The following OPCML variants were observed in gnomAD, a reference collection of about 807,000 sequenced individuals.
The protein encoded by OPCML is opioid binding protein/cell adhesion molecule like, also known as opioid-binding protein/cell adhesion molecule.
OPCML carries 13 observed loss-of-function variants against 37.8 expected under a neutral mutation model. That is an observed-to-expected ratio of 0.34 (90% CI 0.22 to 0.55). The LOEUF (loss-of-function observed/expected upper bound fraction) is 0.55. Ranked by LOEUF, OPCML falls within the 20% of genes least tolerant of loss-of-function variation. The pLI is 0.91. For missense variants in OPCML, 341 were observed against 435.6 expected (o/e 0.78, Z 1.93); for synonymous variants, 176 against 168.8 (o/e 1.04, Z -0.33).
chr11:133,147,259 G>C (rs1034102581), intron 1 of OPCML, among the ~76,000 whole-genome samples: 4 of 152,168 alleles, frequency 2.6e-5, no homozygotes, highest in South Asian at 2.1e-4. Context: ...AAGAAAACCT[G>C]CTGACCACTC....
In OPCML at chr11:133,239,374, C is replaced by A. The variant is rs183991874; in HGVS notation, c.61+292890G>T. Among the ~76,000 whole-genome samples the A allele has an allele frequency of 3.2e-3, 489 of 152,276 alleles. 4 individuals carry two copies. The highest frequency in any genetic ancestry group is 0.011 in the African/African-American group (475 of 41,540). ...AATACAGACCAGACCTTGCTTGGAC[C>A]CCTACCATTTTCTGTAGTCTACAGT... On this transcript the variant is annotated intron_variant, in intron 1 of 7. Transcript: ENST00000524381.
intron 1 of OPCML, among the ~76,000 whole-genome samples, chr11:133,383,608 A>G (rs1351247052): frequency 6.6e-6 from 1 of 152,168 alleles, no homozygotes; most frequent in Non-Finnish European, 1.5e-5. Flanking sequence ...CATATCCATA[A>G]ACAACATCCT....
chr11:132,882,320 T>C (rs1943250439), intron 2 of OPCML, among the ~76,000 whole-genome samples: 1 of 152,196 alleles, frequency 6.6e-6, no homozygotes. Flanking sequence ...TCAAATCCAG[T>C]ACATCATCTT....
At chr11:133,006,395 A>AC (rs1194973759) in intron 1 of OPCML, 3 of 966,474 alleles carry the variant, frequency 3.1e-6, no homozygotes, top group Non-Finnish European at 3.7e-6. Flanking sequence ...GGGACAAAGA[A>AC]CCCCATCTTT....
At chr11:132,822,496 A>C (rs955237701) in intron 2 of OPCML, among the ~76,000 whole-genome samples, 1 of 152,058 alleles carries the variant, frequency 6.6e-6, no homozygotes, top group African/African-American at 2.4e-5. Context: ...AGCTGACAGG[A>C]GAGTGAAGTG....
chr11:133,473,985 G>A (rs1947177744), intron 1 of OPCML, among the ~76,000 whole-genome samples: 1 of 152,158 alleles, frequency 6.6e-6, no homozygotes, highest in African/African-American at 2.4e-5. Flanking sequence ...GAGCTAAAAA[G>A]GGTTAAAGCA....
chr11:133,035,237 G>C (rs1174208295), intron 1 of OPCML, among the ~76,000 whole-genome samples: 1 of 152,196 alleles, frequency 6.6e-6, no homozygotes, highest in Non-Finnish European at 1.5e-5. Flanking sequence ...TGTCGCCGAG[G>C]GCAGCAGCAA....
chr11:133,140,934 A>G lies in OPCML; in HGVS notation c.62-197924T>C, dbSNP rs370923857. Among the ~76,000 whole-genome samples, 2 of 17,710 alleles carry G rather than the reference A, an allele frequency of 1.1e-4. 1 individual carries two copies. The highest frequency in any genetic ancestry group is 2.3e-4 in the African/African-American group (2 of 8,726). 11.6% of individuals were successfully genotyped at this position (17,710 alleles called of 152,430 possible). A position where few individuals can be genotyped will look rare whatever the true frequency, so the allele number is the denominator to read the frequency against. ...AAGAAGAAGAAGACGACGACGACGA[A>G]GAAGAAGAAGACGACGAAGAAGAAG... On this transcript the variant is annotated intron_variant, in intron 1 of 7. Coordinates refer to ENST00000524381, the MANE Select transcript of OPCML (RefSeq NM_001012393.5).
Position 133,086,777 on chromosome 11 carries a change from C to T in OPCML, c.62-143767G>A, listed in dbSNP as rs144702951. ...GCAGCCACTGGTAACCACTGTTCTA[C>T]TCTGCTTTTATGAATTTGACTTTTT... On this transcript the variant is annotated intron_variant, in intron 1 of 7. Coordinates refer to ENST00000524381, the MANE Select transcript of OPCML (RefSeq NM_001012393.5). Among the ~76,000 whole-genome samples the T allele has an allele frequency of 3.3e-3, 509 of 152,314 alleles. 2 individuals are homozygous for T. Among genetic ancestry groups the T allele is most frequent in the African/African-American group, 0.011 (445 of 41,560 alleles).
In OPCML at chr11:132,591,726, C is replaced by T. The variant is rs118157697; in HGVS notation, c.380-62540G>A. On this transcript the variant is annotated intron_variant, in intron 3 of 7. Coordinates refer to ENST00000524381, the MANE Select transcript of OPCML (RefSeq NM_001012393.5). ...ATTAGTTAAAATAAATGAGACGTTACGTAGATGCTGAGTACAGTATTATTT... is the reference window on the plus strand; with the variant it reads ...ATTAGTTAAAATAAATGAGACGTTATGTAGATGCTGAGTACAGTATTATTT... Among the ~76,000 whole-genome samples, 83 of 152,236 alleles carry T rather than the reference C, an allele frequency of 5.5e-4. 2 individuals carry two copies. The East Asian group carries it at 9.1e-3, about 17-fold the overall frequency.
At chr11:133,290,581 CAGGCACCAGACCCAGAGACCCCTG>C (rs1364540039) in intron 1 of OPCML, among the ~76,000 whole-genome samples, 1 of 152,182 alleles carries the variant, frequency 6.6e-6, no homozygotes, top group Middle Eastern at 3.2e-3. Context: ...AGAGGCACTG[CAGGCACCAGACCCAGAGACCCCTG>C]AGTGGCACCT....
At chr11:132,808,487 A>T (rs1364958833) in intron 2 of OPCML, among the ~76,000 whole-genome samples, 1 of 152,218 alleles carries the variant, frequency 6.6e-6, no homozygotes, top group Non-Finnish European at 1.5e-5. Flanking sequence ...ACTGTGTGGG[A>T]TCATGGTAAA....
intron 2 of OPCML, among the ~76,000 whole-genome samples, chr11:132,745,401 G>A (rs1793265): frequency 0.11 from 16,112 of 152,054 alleles, 1,047 homozygotes; most frequent in African/African-American, 0.17. Flanking sequence ...GAAACTTTGA[G>A]AATGAGACAT....
chr11:133,031,446 A>AATGG (rs1947668961), intron 1 of OPCML, among the ~76,000 whole-genome samples: 1 of 126,788 alleles, frequency 7.9e-6, no homozygotes, highest in Non-Finnish European at 1.7e-5. Flanking sequence ...TGGGTAGGTG[A>AATGG]ATGGATGGAT....
At chr11:132,634,227 C>T (rs1190984123) in intron 3 of OPCML, among the ~76,000 whole-genome samples, 1 of 152,106 alleles carries the variant, frequency 6.6e-6, no homozygotes, top group Non-Finnish European at 1.5e-5. Context: ...TTATGGTATT[C>T]GAGCTTCTTT....
At chr11:132,469,543 T>TG (rs1417544489) in intron 4 of OPCML, among the ~76,000 whole-genome samples, 2 of 137,566 alleles carry the variant, frequency 1.5e-5, no homozygotes, top group Admixed American at 1.5e-4. Context: ...TGTATGTGTG[T>TG]GGGGTGTGTG....
chr11:132,441,269 G>T (rs1365118655), intron 4 of OPCML, among the ~76,000 whole-genome samples: 1 of 138,726 alleles, frequency 7.2e-6, no homozygotes, highest in African/African-American at 2.9e-5. Flanking sequence ...CCGGGTTCAC[G>T]CCATTCTCCT....
chr11:132,787,801 A>G (rs975251489), intron 2 of OPCML, among the ~76,000 whole-genome samples: 1 of 152,214 alleles, frequency 6.6e-6, no homozygotes, highest in Non-Finnish European at 1.5e-5. Flanking sequence ...AAAGTACCAA[A>G]TGTTTCTCTG....
chr11:133,045,639 A>G (rs539599705), intron 1 of OPCML, among the ~76,000 whole-genome samples: 2 of 152,314 alleles, frequency 1.3e-5, no homozygotes, highest in East Asian at 1.9e-4. Context: ...GGTCTCTGCC[A>G]TCTTCTTCCC....
Sources: allele counts gnomAD v4.1 joint callset (sites outside exome capture counted in the v4.1 genomes callset), GRCh38; gene constraint gnomAD v4.1.1; transcripts MANE v1.5; gene names NCBI Gene and HGNC (gene_info 2026-07-23, HGNC 2026-07-21).